RTF2: variants seen among roughly 807,000 people sequenced by gnomAD.
RTF2 encodes the protein replication termination factor 2, also known as UPF0549 protein C20orf43.
RTF2 carries 18 observed loss-of-function variants against 38.0 expected under a neutral mutation model. The ratio of observed to expected loss-of-function variants is 0.47; its 90% CI spans 0.33 to 0.70. The LOEUF is 0.70. Among genes scored for constraint, RTF2 ranks in the 30% least tolerant of loss-of-function variants. RTF2 has a pLI of 0.02. For synonymous variants in RTF2, 126 were observed against 137.1 expected, an observed-to-expected ratio of 0.92 and a Z score of 0.57; for missense variants, 311 against 379.6, an observed-to-expected ratio of 0.82 and a Z score of 1.50.
intron 2 of RTF2, 21 bp downstream of exon 2, chr20:56,473,416 C>T: frequency 6.6e-7 from 1 of 1,507,476 alleles, no homozygotes; most frequent in South Asian, 1.1e-5. Flanking sequence ...TACACTTAAT[C>T]AAGATGAGTT....
intron 6 of RTF2, 82 bp downstream of exon 6, chr20:56,513,510 G>A (rs1023973073): frequency 2.0e-6 from 3 of 1,523,308 alleles, no homozygotes; most frequent in Non-Finnish European, 1.8e-6. Context: ...GCTGGCAGCT[G>A]CTTAGGGGTT....
chr20:56,472,576 T>TAA (rs11482055), intron 1 of RTF2, among the ~76,000 whole-genome samples: 37 of 150,574 alleles, frequency 2.5e-4, no homozygotes, highest in East Asian at 1.6e-3. Context: ...TTCTGAACTT[T>TAA]AAAAAAAAAA....
chr20:56,491,759 ACG>A, intron 5 of RTF2: 1 of 1,551,936 alleles, frequency 6.4e-7, no homozygotes, highest in Non-Finnish European at 8.7e-7. Flanking sequence ...TGGTCCGTAT[ACG>A]CAGATGTCTT....
At chr20:56,501,473 C>G (rs191197071) in intron 5 of RTF2, among the ~76,000 whole-genome samples, 226 of 152,192 alleles carry the variant, frequency 1.5e-3, no homozygotes, top group Non-Finnish European at 2.6e-3. Flanking sequence ...ATTTTTTCCT[C>G]CATAGAAAGA....
At chr20:56,479,795 A>C (rs1982435361) in intron 4 of RTF2, among the ~76,000 whole-genome samples, 1 of 150,784 alleles carries the variant, frequency 6.6e-6, no homozygotes, top group African/African-American at 2.4e-5. Flanking sequence ...ATTATCAATG[A>C]GCGGTGATAT....
intron 5 of RTF2, among the ~76,000 whole-genome samples, chr20:56,500,072 T>C (rs1433884111): frequency 1.3e-5 from 2 of 151,944 alleles, no homozygotes; most frequent in Non-Finnish European, 2.9e-5. Context: ...GTTTTTTTTT[T>C]AGGAGGAGTT....
In RTF2 at chr20:56,506,935, C is replaced by T. The variant is rs897320745; in HGVS notation, c.478-6380C>T. On this transcript the variant is annotated intron_variant, in intron 5 of 8. Coordinates refer to ENST00000357348, the MANE Select transcript of RTF2 (RefSeq NM_016407.5). ...CAGGATGGTCTCGATCTCTTGACCT[C>T]GTGATCCGCCCGCCTCGGCCTTCCA... 4.7e-4 allele frequency among the ~76,000 whole-genome samples: 71 copies of T among 152,114 alleles called. 1 individual carries two copies. The highest frequency in any genetic ancestry group is 8.8e-5 in the Non-Finnish European group (6 of 68,024).
chr20:56,468,868 C>A, intron 1 of RTF2, 102 bp downstream of exon 1: 1 of 944,522 alleles, frequency 1.1e-6, no homozygotes, highest in Non-Finnish European at 1.6e-6. Flanking sequence ...GAGTTCCAGA[C>A]CTGGCTGCGG....
At position 56,506,589 on chromosome 20, in the gene RTF2, C is replaced by T. The variant is rs376886552; in HGVS notation, c.478-6726C>T. Among the ~76,000 whole-genome samples, 315 of 152,294 alleles carry T rather than the reference C, an allele frequency of 2.1e-3. 2 individuals carry two copies. The highest frequency in any genetic ancestry group is 7.2e-3 in the African/African-American group (300 of 41,566). On this transcript the variant is annotated intron_variant, in intron 5 of 8. Transcript: ENST00000357348. Reference sequence around the variant, plus strand: ...ATACTTTAAAAAAGCATCCAGAGGGCATATGAATATAAATATACAATTACT... The same window carrying T: ...ATACTTTAAAAAAGCATCCAGAGGGTATATGAATATAAATATACAATTACT...
intron 5 of RTF2, chr20:56,497,708 T>TC (rs1377337513): frequency 8.4e-5 from 74 of 875,752 alleles, no homozygotes; most frequent in South Asian, 2.1e-4. Context: ...GTTGTAATTC[T>TC]CCCCCCCAAC....
At chr20:56,515,789 A>G (rs1329598618) in intron 6 of RTF2, 1 of 152,232 alleles carries the variant, frequency 6.6e-6, no homozygotes, top group Admixed American at 6.5e-5. Context: ...GTTTCCTGCC[A>G]AGTTAATTCA....
chr20:56,513,975 G>A (rs1061532), intron 6 of RTF2: 42,078 of 153,294 alleles, frequency 0.27, 7,002 homozygotes, highest in South Asian at 0.42. Flanking sequence ...CTGGGTGCCT[G>A]TGCGTCTCAC....
chr20:56,495,043 T>G (rs1459170239), intron 5 of RTF2, among the ~76,000 whole-genome samples: 4 of 152,250 alleles, frequency 2.6e-5, no homozygotes, highest in African/African-American at 9.6e-5. Flanking sequence ...ATAAAAAGTT[T>G]TTTTAAAAAA....
intron 6 of RTF2, chr20:56,515,649 TTC>T: frequency 7.8e-6 from 1 of 127,962 alleles, no homozygotes; most frequent in South Asian, 2.6e-4. Flanking sequence ...CACAGTGAGA[TTC>T]TGTCTCAGAC....
Position 56,513,367 on chromosome 20 carries a change from A to G in RTF2, c.530A>G (p.Glu177Gly). The change falls in exon 6 of 9, where the codon GAG becomes GGG. Residue 177 changes from glutamate (E) to glycine (G), a missense_variant. Coordinates refer to ENST00000357348, the MANE Select transcript of RTF2 (RefSeq NM_016407.5). ...DDVIMLNGTK[E>G]DVDVLKTRME... is the part of the protein sequence containing the mutation. ...GTCATCATGCTCAATGGCACCAAGG[A>G]GGATGTGGACGTGCTGAAGACAAGG... The G allele has an allele frequency of 1.2e-6, 2 of 1,609,410 alleles. No homozygotes were observed. Among genetic ancestry groups the G allele is most frequent in the Non-Finnish European group, 1.7e-6 (2 of 1,178,240 alleles).
At chr20:56,472,687 G>A (rs953704811) in intron 1 of RTF2, among the ~76,000 whole-genome samples, 2 of 149,044 alleles carry the variant, frequency 1.3e-5, no homozygotes, top group Non-Finnish European at 3.0e-5. Context: ...TTTCTCTTTT[G>A]TATGGCCTCC....
chr20:56,503,154 C>G (rs1984029463), intron 5 of RTF2, among the ~76,000 whole-genome samples: 3 of 152,214 alleles, frequency 2.0e-5, no homozygotes, highest in Admixed American at 6.5e-5. Context: ...AATGTGGTGT[C>G]TCTTTCTCTC....
intron 5 of RTF2, chr20:56,491,597 A>C (rs916582361): frequency 6.4e-7 from 1 of 1,551,828 alleles, no homozygotes. Context: ...CTGCTGTTGA[A>C]AATGCCAGTG....
At chr20:56,490,288 T>C (rs946503403) in intron 5 of RTF2, among the ~76,000 whole-genome samples, 6 of 152,236 alleles carry the variant, frequency 3.9e-5, no homozygotes, top group African/African-American at 1.4e-4. Context: ...TCTTTAAATC[T>C]CTTGTATGTT....
Sources: allele counts gnomAD v4.1 joint callset (sites outside exome capture counted in the v4.1 genomes callset), GRCh38; gene constraint gnomAD v4.1.1; transcripts MANE v1.5; gene names NCBI Gene and HGNC (gene_info 2026-07-23, HGNC 2026-07-21).